The following BRINP3 variants were observed in gnomAD, a reference collection of about 807,000 sequenced individuals.
The protein encoded by BRINP3 is BMP/retinoic acid-inducible neural-specific protein 3.
A neutral mutation model predicts 71.0 loss-of-function variants in BRINP3; 19 were observed. The ratio of observed to expected loss-of-function variants is 0.27; its 90% CI spans 0.19 to 0.39. The LOEUF (loss-of-function observed/expected upper bound fraction) is 0.39. BRINP3 is among the 10% of genes least tolerant of loss of function. The pLI is 1.00. For synonymous variants in BRINP3, 380 were observed against 337.7 expected, an observed-to-expected ratio of 1.13 and a Z score of -1.37; for missense variants, 959 against 940.8, an observed-to-expected ratio of 1.02 and a Z score of -0.25.
At chr1:190,215,079 C>T (rs1390502543) in intron 6 of BRINP3, among the ~76,000 whole-genome samples, 2 of 143,326 alleles carry the variant, frequency 1.4e-5, no homozygotes, top group East Asian at 2.1e-4. Context: ...TAATAGCAAT[C>T]CATGTAGCTA....
At chr1:190,467,911 A>T (rs928412569) in intron 1 of BRINP3, among the ~76,000 whole-genome samples, 1 of 151,562 alleles carries the variant, frequency 6.6e-6, no homozygotes, top group Non-Finnish European at 1.5e-5. Context: ...GAAAATTAAA[A>T]TGAGACATTA....
intron 7 of BRINP3, among the ~76,000 whole-genome samples, chr1:190,111,349 G>A (rs892218787): frequency 2.6e-5 from 4 of 151,392 alleles, no homozygotes; most frequent in Non-Finnish European, 5.9e-5. Flanking sequence ...GAAGTGTTAC[G>A]GTATCTGGTT....
At chr1:190,195,851 G>GA (rs1654432280) in intron 6 of BRINP3, among the ~76,000 whole-genome samples, 2 of 151,132 alleles carry the variant, frequency 1.3e-5, no homozygotes, top group South Asian at 2.1e-4. Flanking sequence ...TGGAGTTCTT[G>GA]AAAAAAAAGC....
intron 5 of BRINP3, among the ~76,000 whole-genome samples, chr1:190,229,303 G>A (rs975789438): frequency 2.0e-5 from 3 of 151,840 alleles, no homozygotes; most frequent in African/African-American, 4.8e-5. Context: ...AAGATGTGAT[G>A]GTTTTATAAA....
chr1:190,147,358 T>A (rs553119372), intron 7 of BRINP3, among the ~76,000 whole-genome samples: 1 of 152,138 alleles, frequency 6.6e-6, no homozygotes, highest in African/African-American at 2.4e-5. Flanking sequence ...CCAATAAGAA[T>A]AATTTATTTC....
intron 7 of BRINP3, among the ~76,000 whole-genome samples, chr1:190,142,795 C>T (rs1457808908): frequency 2.0e-5 from 3 of 151,192 alleles, no homozygotes; most frequent in African/African-American, 7.3e-5. Context: ...TATCAAAAAG[C>T]TCACTTTTTG....
intron 2 of BRINP3, among the ~76,000 whole-genome samples, chr1:190,436,525 A>G (rs928943545): frequency 6.6e-6 from 1 of 151,922 alleles, no homozygotes; most frequent in Non-Finnish European, 1.5e-5. Flanking sequence ...AAGGAGATCC[A>G]AATTTGCATC....
intron 3 of BRINP3, among the ~76,000 whole-genome samples, chr1:190,267,616 T>C (rs1661769004): frequency 6.6e-6 from 1 of 151,976 alleles, no homozygotes. Flanking sequence ...GTGGAAACGA[T>C]AAACACAACC....
At chr1:190,397,175 C>T (rs927908351) in intron 2 of BRINP3, among the ~76,000 whole-genome samples, 1 of 151,926 alleles carries the variant, frequency 6.6e-6, no homozygotes, top group African/African-American at 2.4e-5. Flanking sequence ...CCCTTTGCAG[C>T]CTCTCTTACC....
chr1:190,307,215 T>C (rs1665166957), intron 2 of BRINP3, among the ~76,000 whole-genome samples: 1 of 151,426 alleles, frequency 6.6e-6, no homozygotes, highest in African/African-American at 2.4e-5. Context: ...TTTAAGTTTT[T>C]TTTAATGCCC....
At chr1:190,375,966 C>A (rs1426225540) in intron 2 of BRINP3, among the ~76,000 whole-genome samples, 1 of 151,822 alleles carries the variant, frequency 6.6e-6, no homozygotes, top group Admixed American at 6.6e-5. Flanking sequence ...ATTAAAAAAT[C>A]ATCAGGCATA....
chr1:190,330,340 T>G (rs947092524), intron 2 of BRINP3, among the ~76,000 whole-genome samples: 1 of 151,882 alleles, frequency 6.6e-6, no homozygotes, highest in African/African-American at 2.4e-5. Context: ...AGACACCTCT[T>G]AAAAGAAGAC....
chr1:190,367,616 GT>G (rs1558223277), intron 2 of BRINP3, among the ~76,000 whole-genome samples: 1 of 152,140 alleles, frequency 6.6e-6, no homozygotes, highest in Non-Finnish European at 1.5e-5. Flanking sequence ...GGCTACAAAT[GT>G]TCCAAACTTT....
intron 7 of BRINP3, among the ~76,000 whole-genome samples, chr1:190,130,324 C>A (rs1450048935): frequency 6.6e-6 from 1 of 151,932 alleles, no homozygotes; most frequent in Non-Finnish European, 1.5e-5. Flanking sequence ...TTGTTTGCTG[C>A]TTTGTTTTAC....
chr1:190,161,867 A>G (rs1651006439), intron 6 of BRINP3, among the ~76,000 whole-genome samples: 1 of 152,190 alleles, frequency 6.6e-6, no homozygotes, highest in Non-Finnish European at 1.5e-5. Flanking sequence ...TATTACACTC[A>G]GTGAAATAAA....
chr1:190,268,708 T>C (rs1661856725), intron 3 of BRINP3, among the ~76,000 whole-genome samples: 1 of 152,060 alleles, frequency 6.6e-6, no homozygotes, highest in Non-Finnish European at 1.5e-5. Flanking sequence ...CTTAGTAAGG[T>C]ACAAGCAAAT....
At chr1:190,429,673 C>T (rs758023562) in intron 2 of BRINP3, among the ~76,000 whole-genome samples, 5 of 151,358 alleles carry the variant, frequency 3.3e-5, no homozygotes, top group Non-Finnish European at 5.9e-5. Flanking sequence ...TCACTGCAAC[C>T]TCCATCTCCT....
At chr1:190,101,943 G>GT (rs775342615) in intron 7 of BRINP3, among the ~76,000 whole-genome samples, 23 of 152,106 alleles carry the variant, frequency 1.5e-4, no homozygotes, top group Admixed American at 2.6e-4. Flanking sequence ...GAAGGAAAGC[G>GT]TTTCGGCTGT....
intron 3 of BRINP3, among the ~76,000 whole-genome samples, chr1:190,281,005 C>T (rs1662995239): frequency 6.6e-6 from 1 of 151,780 alleles, no homozygotes; most frequent in South Asian, 2.1e-4. Context: ...CACACAATAG[C>T]TTCCTTAATT....
Sources: allele counts gnomAD v4.1 joint callset (sites outside exome capture counted in the v4.1 genomes callset), GRCh38; gene constraint gnomAD v4.1.1; transcripts MANE v1.5; gene names NCBI Gene and HGNC (gene_info 2026-07-23, HGNC 2026-07-21).